TAFA1: variants seen among roughly 807,000 people sequenced by gnomAD.
The protein encoded by TAFA1 is TAFA chemokine like family member 1, also known as chemokine-like protein TAFA-1.
Under a neutral mutation model 18.5 loss-of-function variants are expected in TAFA1, and 4 were observed. The ratio of observed to expected loss-of-function variants is 0.22; its 90% CI spans 0.11 to 0.49. TAFA1 has a LOEUF of 0.49. Ranked by LOEUF, TAFA1 falls within the 20% of genes least tolerant of loss-of-function variation. The pLI is 0.98. For synonymous variants in TAFA1, 56 were observed against 55.2 expected (o/e 1.01, Z -0.06); for missense variants, 147 against 169.0 (o/e 0.87, Z 0.72).
intron 3 of TAFA1, among the ~76,000 whole-genome samples, chr3:68,470,786 G>A (rs1000388012): frequency 2.6e-5 from 4 of 152,328 alleles, no homozygotes; most frequent in African/African-American, 4.8e-5. Flanking sequence ...GCAGCCTGAC[G>A]ATGCAATAGA....
chr3:68,334,033 A>G (rs2068927013), intron 2 of TAFA1, among the ~76,000 whole-genome samples: 1 of 152,220 alleles, frequency 6.6e-6, no homozygotes, highest in Non-Finnish European at 1.5e-5. Flanking sequence ...GTCTAAGGGT[A>G]CAAAACTTTC....
intron 3 of TAFA1, among the ~76,000 whole-genome samples, chr3:68,512,563 C>T (rs1388571762): frequency 6.6e-6 from 1 of 152,042 alleles, no homozygotes; most frequent in African/African-American, 2.4e-5. Flanking sequence ...GCTCCTGACA[C>T]AATATAAAGA....
At position 68,509,626 on chromosome 3, in the gene TAFA1, C is replaced by T. The variant is rs181182430; in HGVS notation, c.260-29130C>T. Among the ~76,000 whole-genome samples the T allele has an allele frequency of 4.6e-5, 7 of 152,212 alleles. No homozygotes were observed. In the East Asian group the frequency reaches 1.2e-3, roughly 25 times the overall value. On this transcript the variant is annotated intron_variant, in intron 3 of 4. Transcript: ENST00000478136. ...CTTTTTGAAGCATCACTGTTATAATCACAATTATTTTTAAAACCCAAAGCC... is the reference window on the plus strand; with the variant it reads ...CTTTTTGAAGCATCACTGTTATAATTACAATTATTTTTAAAACCCAAAGCC...
intron 2 of TAFA1, among the ~76,000 whole-genome samples, chr3:68,236,484 C>A (rs1575697422): frequency 6.6e-6 from 1 of 152,114 alleles, no homozygotes; most frequent in South Asian, 2.1e-4. Context: ...TTATAATGTA[C>A]TTTGTGACAG....
intron 3 of TAFA1, among the ~76,000 whole-genome samples, chr3:68,518,588 TAAC>T (rs1390084138): frequency 6.6e-6 from 1 of 152,208 alleles, no homozygotes; most frequent in Non-Finnish European, 1.5e-5. Context: ...ACTTTTATAA[TAAC>T]AATAACAACA....
intron 2 of TAFA1, among the ~76,000 whole-genome samples, chr3:68,160,907 T>C (rs2065917902): frequency 6.6e-6 from 1 of 152,188 alleles, no homozygotes; most frequent in South Asian, 2.1e-4. Flanking sequence ...ACTCAATGGA[T>C]AATGGTCCAC....
At chr3:68,463,067 T>A (rs1265119515) in intron 3 of TAFA1, among the ~76,000 whole-genome samples, 1 of 152,176 alleles carries the variant, frequency 6.6e-6, no homozygotes, top group Non-Finnish European at 1.5e-5. Flanking sequence ...CCTTGTGTGA[T>A]CCCTAGTTCT....
chr3:68,164,263 G>C (rs1180170430), intron 2 of TAFA1, among the ~76,000 whole-genome samples: 1 of 152,088 alleles, frequency 6.6e-6, no homozygotes, highest in Non-Finnish European at 1.5e-5. Flanking sequence ...CCTCTGAATG[G>C]TATTTTTTCA....
intron 2 of TAFA1, among the ~76,000 whole-genome samples, chr3:68,280,551 A>C (rs2067879902): frequency 6.6e-6 from 1 of 152,194 alleles, no homozygotes; most frequent in African/African-American, 2.4e-5. Context: ...CAGCGGCTTC[A>C]CATCATTACA....
chr3:68,310,906 T>A (rs1439716081), intron 2 of TAFA1, among the ~76,000 whole-genome samples: 1 of 152,138 alleles, frequency 6.6e-6, no homozygotes, highest in Non-Finnish European at 1.5e-5. Context: ...TTTTGGTTGC[T>A]TATTATATTA....
intron 3 of TAFA1, among the ~76,000 whole-genome samples, chr3:68,447,379 T>C (rs2071487665): frequency 6.6e-6 from 1 of 152,200 alleles, no homozygotes; most frequent in Non-Finnish European, 1.5e-5. Context: ...TGTTGGCTAC[T>C]CCATTCTGTC....
At chr3:68,196,292 T>G (rs2066408785) in intron 2 of TAFA1, among the ~76,000 whole-genome samples, 1 of 151,768 alleles carries the variant, frequency 6.6e-6, no homozygotes, top group African/African-American at 2.4e-5. Flanking sequence ...AGTTCATTGT[T>G]CTGTGTCTAC....
At chr3:68,145,339 A>G in intron 2 of TAFA1, 1 of 798,350 alleles carries the variant, frequency 1.3e-6, no homozygotes, top group South Asian at 1.3e-5. Flanking sequence ...TTAGAGATGC[A>G]ACAAGGAGAC....
intron 3 of TAFA1, among the ~76,000 whole-genome samples, chr3:68,427,604 A>G (rs970886128): frequency 6.6e-6 from 1 of 151,812 alleles, no homozygotes; most frequent in Non-Finnish European, 1.5e-5. Context: ...AATTAATGAT[A>G]TATATGTTCC....
At chr3:68,322,093 G>T (rs926124032) in intron 2 of TAFA1, among the ~76,000 whole-genome samples, 16 of 152,086 alleles carry the variant, frequency 1.1e-4, no homozygotes, top group African/African-American at 3.6e-4. Flanking sequence ...ACCAAACTAG[G>T]CCTAATGGCA....
At chr3:68,098,777 G>GT (rs752758584) in intron 2 of TAFA1, among the ~76,000 whole-genome samples, 1 of 152,052 alleles carries the variant, frequency 6.6e-6, no homozygotes, top group Non-Finnish European at 1.5e-5. Context: ...GCAGTAACTG[G>GT]TACAACATGG....
chr3:67,997,931 T>A, the TAFA1 span, among the ~76,000 whole-genome samples: 3 of 151,994 alleles, frequency 2.0e-5, no homozygotes, highest in Non-Finnish European at 4.4e-5. Flanking sequence ...ATTGGTTAAG[T>A]GGATTAAGAG....
chr3:68,369,161 T>C (rs2069630587), intron 2 of TAFA1, among the ~76,000 whole-genome samples: 1 of 151,916 alleles, frequency 6.6e-6, no homozygotes, highest in African/African-American at 2.4e-5. Flanking sequence ...GGAACACTTG[T>C]CTAGCACACA....
At chr3:68,323,325 T>A (rs1196556534) in intron 2 of TAFA1, among the ~76,000 whole-genome samples, 4 of 152,128 alleles carry the variant, frequency 2.6e-5, no homozygotes, top group African/African-American at 9.7e-5. Flanking sequence ...TTCACTGAAA[T>A]GAATAGATTC....
Sources: allele counts gnomAD v4.1 joint callset (sites outside exome capture counted in the v4.1 genomes callset), GRCh38; gene constraint gnomAD v4.1.1; transcripts MANE v1.5; gene names NCBI Gene and HGNC (gene_info 2026-07-23, HGNC 2026-07-21).